ZNF804A: variants seen among roughly 807,000 people sequenced by gnomAD.
ZNF804A encodes the protein zinc finger protein 804A.
Under a neutral mutation model 16.5 loss-of-function variants are expected in ZNF804A, and 2 were observed. The observed-to-expected ratio is 0.12, with a 90% CI of 0.05 to 0.38. The LOEUF (loss-of-function observed/expected upper bound fraction) is 0.38. Ranked by LOEUF, ZNF804A falls within the 10% of genes least tolerant of loss-of-function variation. The pLI, the probability that ZNF804A is intolerant of heterozygous loss-of-function variation, is 0.99. For missense variants in ZNF804A, 1,473 were observed against 1,390.7 expected (o/e 1.06, Z -0.94); for synonymous variants, 534 against 489.6 (o/e 1.09, Z -1.20).
At chr2:184,888,788 A>G (rs1270355184) in intron 2 of ZNF804A, among the ~76,000 whole-genome samples, 1 of 152,156 alleles carries the variant, frequency 6.6e-6, no homozygotes, top group African/African-American at 2.4e-5. Context: ...AAGTTAGAAC[A>G]TGAGAGGGGA....
rs534839731 is a variant in ZNF804A, at chr2:184,697,029, G to C, written c.111+97959G>C. Among the ~76,000 whole-genome samples, 12 of 151,850 alleles carry C rather than the reference G, an allele frequency of 7.9e-5. No homozygotes were observed. The East Asian group carries it at 2.3e-3, about 29-fold the overall frequency. On this transcript the variant is annotated intron_variant, in intron 1 of 3. Transcript: ENST00000302277. The stretch of plus-strand genomic sequence containing the variant: ...AAAAAATAGTGACTTCAGTAATTTA[G>C]TATAAATGACATTGATATAAAATAT...
intron 1 of ZNF804A, among the ~76,000 whole-genome samples, chr2:184,640,705 T>A (rs1050951321): frequency 6.6e-6 from 1 of 152,186 alleles, no homozygotes; most frequent in African/African-American, 2.4e-5. Context: ...AACATTTTAT[T>A]CATTATATTA....
chr2:184,665,926 A>G (rs1692247576), intron 1 of ZNF804A, among the ~76,000 whole-genome samples: 1 of 152,130 alleles, frequency 6.6e-6, no homozygotes, highest in Non-Finnish European at 1.5e-5. Context: ...TCCTTCTTCC[A>G]CATTTAAGGA....
chr2:184,889,293 A>G (rs990688451), intron 2 of ZNF804A, among the ~76,000 whole-genome samples: 2 of 151,880 alleles, frequency 1.3e-5, no homozygotes, highest in Non-Finnish European at 2.9e-5. Flanking sequence ...GAAATAGAGA[A>G]ATTATGTTAA....
intron 1 of ZNF804A, among the ~76,000 whole-genome samples, chr2:184,816,847 A>G (rs1694990563): frequency 1.3e-5 from 2 of 151,898 alleles, no homozygotes; most frequent in Non-Finnish European, 2.9e-5. Flanking sequence ...TTCCATAGCT[A>G]CCAGTACTTT....
intron 2 of ZNF804A, among the ~76,000 whole-genome samples, chr2:184,914,502 G>C (rs1335667577): frequency 1.3e-5 from 2 of 152,092 alleles, no homozygotes; most frequent in East Asian, 3.8e-4. Flanking sequence ...GCAATTTGAA[G>C]TTATTTGTAA....
chr2:184,805,835 C>A (rs1159649338), intron 1 of ZNF804A, among the ~76,000 whole-genome samples: 1 of 151,904 alleles, frequency 6.6e-6, no homozygotes, highest in African/African-American at 2.4e-5. Flanking sequence ...GAGCCAAGGA[C>A]TTTGTCTTCT....
intron 1 of ZNF804A, among the ~76,000 whole-genome samples, chr2:184,825,935 G>A (rs928704543): frequency 6.6e-6 from 1 of 151,896 alleles, no homozygotes; most frequent in Non-Finnish European, 1.5e-5. Context: ...GCAGTGGCAC[G>A]ATCACGGCTC....
At chr2:184,897,760 T>G (rs1414401844) in intron 2 of ZNF804A, among the ~76,000 whole-genome samples, 1 of 152,084 alleles carries the variant, frequency 6.6e-6, no homozygotes, top group Non-Finnish European at 1.5e-5. Context: ...CTTTCCATTG[T>G]TTTTTGTATT....
At chr2:184,903,147 T>G (rs977539145) in intron 2 of ZNF804A, among the ~76,000 whole-genome samples, 4 of 152,118 alleles carry the variant, frequency 2.6e-5, no homozygotes, top group Non-Finnish European at 5.9e-5. Context: ...TATCAGTACT[T>G]TCTATTTTTC....
chr2:184,659,752 A>T (rs1264821989), intron 1 of ZNF804A, among the ~76,000 whole-genome samples: 4 of 152,202 alleles, frequency 2.6e-5, no homozygotes, highest in Admixed American at 6.5e-5. Context: ...TACAACTTAA[A>T]GTATTAACTC....
At chr2:184,805,675 T>C (rs1312423344) in intron 1 of ZNF804A, among the ~76,000 whole-genome samples, 3 of 152,084 alleles carry the variant, frequency 2.0e-5, no homozygotes, top group Non-Finnish European at 4.4e-5. Flanking sequence ...TTTTAACCTC[T>C]TTTTCAGAAT....
At chr2:184,851,355 A>G (rs965445430) in intron 1 of ZNF804A, among the ~76,000 whole-genome samples, 1 of 151,666 alleles carries the variant, frequency 6.6e-6, no homozygotes, top group Non-Finnish European at 1.5e-5. Context: ...CCCTACCCCT[A>G]TACCCTGGGA....
At chr2:184,626,464 T>G (rs1414597608) in intron 1 of ZNF804A, among the ~76,000 whole-genome samples, 1 of 152,186 alleles carries the variant, frequency 6.6e-6, no homozygotes, top group East Asian at 1.9e-4. Context: ...TTCATAAACT[T>G]AAATAATTTG....
At chr2:184,900,607 C>A (rs1685164817) in intron 2 of ZNF804A, among the ~76,000 whole-genome samples, 1 of 152,026 alleles carries the variant, frequency 6.6e-6, no homozygotes, top group Admixed American at 6.6e-5. Context: ...TCCTAAAAAA[C>A]AGAAGCCAAA....
intron 1 of ZNF804A, among the ~76,000 whole-genome samples, chr2:184,653,273 C>T (rs1026827455): frequency 5.9e-5 from 9 of 152,032 alleles, no homozygotes; most frequent in Admixed American, 3.9e-4. Flanking sequence ...TTTATATATA[C>T]GAATTTCCTC....
At chr2:184,641,695 G>A (rs1418451031) in intron 1 of ZNF804A, among the ~76,000 whole-genome samples, 1 of 152,034 alleles carries the variant, frequency 6.6e-6, no homozygotes, top group Non-Finnish European at 1.5e-5. Context: ...AAATATTAAA[G>A]CTTTGTGACT....
At chr2:184,790,436 G>A (rs1278512904) in intron 1 of ZNF804A, among the ~76,000 whole-genome samples, 1 of 151,834 alleles carries the variant, frequency 6.6e-6, no homozygotes, top group African/African-American at 2.4e-5. Context: ...ATATCAGTGG[G>A]ATGTTGAGGT....
At chr2:184,884,304 G>C (rs1684854181) in intron 2 of ZNF804A, among the ~76,000 whole-genome samples, 1 of 151,942 alleles carries the variant, frequency 6.6e-6, no homozygotes, top group South Asian at 2.1e-4. Flanking sequence ...AGTCAAAGAT[G>C]ACACAAATGG....
Sources: allele counts gnomAD v4.1 joint callset (sites outside exome capture counted in the v4.1 genomes callset), GRCh38; gene constraint gnomAD v4.1.1; transcripts MANE v1.5; gene names NCBI Gene and HGNC (gene_info 2026-07-23, HGNC 2026-07-21).